ZNF385D: variants seen among roughly 807,000 people sequenced by gnomAD.
ZNF385D encodes zinc finger protein 385D, also known as zinc finger protein 659.
In ZNF385D, 15 loss-of-function variants were observed where a neutral mutation model predicts 35.8. The observed-to-expected ratio is 0.42, with a 90% CI of 0.28 to 0.64. The LOEUF is 0.64. ZNF385D is among the 30% of genes least tolerant of loss of function. The pLI, the probability that ZNF385D is intolerant of heterozygous loss-of-function variation, is 0.23. For synonymous variants in ZNF385D, 212 were observed against 186.8 expected (o/e 1.13, Z -1.10); for missense variants, 474 against 494.6 (o/e 0.96, Z 0.39).
intron 1 of ZNF385D, among the ~76,000 whole-genome samples, chr3:21,665,244 T>C (rs1288435000): frequency 6.6e-6 from 1 of 152,182 alleles, no homozygotes. Context: ...ATTATAACTA[T>C]CTGGTTATGT....
At chr3:22,300,356 C>T (rs1188548760) in intron 2 of ZNF385D, among the ~76,000 whole-genome samples, 1 of 149,222 alleles carries the variant, frequency 6.7e-6, no homozygotes, top group South Asian at 2.1e-4. Flanking sequence ...AACAGGGGTA[C>T]AATTTCCTGA....
chr3:22,359,452 T>C (rs779526636), intron 2 of ZNF385D, among the ~76,000 whole-genome samples: 1 of 151,918 alleles, frequency 6.6e-6, no homozygotes, highest in African/African-American at 2.4e-5. Flanking sequence ...GGCATATTGA[T>C]AGAACTTAGG....
chr3:21,529,545 T>C (rs1241481045), intron 3 of ZNF385D, among the ~76,000 whole-genome samples: 6 of 152,110 alleles, frequency 3.9e-5, no homozygotes. Flanking sequence ...GATGATCTTG[T>C]GATTATTTTT....
chr3:22,220,471 G>C (rs527612233), intron 2 of ZNF385D, among the ~76,000 whole-genome samples: 1 of 152,168 alleles, frequency 6.6e-6, no homozygotes, highest in African/African-American at 2.4e-5. Context: ...ATCACAGCTC[G>C]GTTTAAAAAC....
At chr3:21,751,683 G>A (rs887911072), upstream of ZNF385D, among the ~76,000 whole-genome samples, 2 of 152,158 alleles carry the variant, frequency 1.3e-5, no homozygotes, top group Non-Finnish European at 2.9e-5. Context: ...ACCACTGCTA[G>A]GGTAATAGAG....
At position 22,076,532 on chromosome 3, in the gene ZNF385D, A is replaced by G. The variant is rs539132738; in HGVS notation, c.325+92285T>C. ...TGGTCCTCCAGTGTTATGCTATAAC[A>G]CAGTCTCTATTACTATATAATCACA... On this transcript the variant is annotated intron_variant, in intron 3 of 5. Transcript: ENST00000494108. Among the ~76,000 whole-genome samples the G allele has an allele frequency of 4.5e-4, 68 of 152,064 alleles. 2 individuals carry two copies. In the South Asian group the frequency reaches 0.013, roughly 29 times the overall value.
intron 3 of ZNF385D, among the ~76,000 whole-genome samples, chr3:22,042,618 C>G (rs959986084): frequency 1.4e-4 from 21 of 152,108 alleles, no homozygotes; most frequent in Non-Finnish European, 2.5e-4. Flanking sequence ...TGATGTACTT[C>G]TCTGCTGGGA....
chr3:22,244,364 TAAAAAAAAAAAAA>T (rs34497539), intron 2 of ZNF385D, among the ~76,000 whole-genome samples: 2 of 62,554 alleles, frequency 3.2e-5, no homozygotes, highest in African/African-American at 1.0e-4. Context: ...CAACCGAATG[TAAAAAAAAAAAAA>T]AAAAAAAAAA....
At chr3:21,637,236 C>T (rs950479038) in intron 2 of ZNF385D, among the ~76,000 whole-genome samples, 2 of 151,990 alleles carry the variant, frequency 1.3e-5, no homozygotes, top group Admixed American at 6.6e-5. Context: ...AGTTTCAGAT[C>T]TTAGATTTAA....
chr3:21,829,434 T>A (rs970431303), intron 3 of ZNF385D, among the ~76,000 whole-genome samples: 2 of 152,094 alleles, frequency 1.3e-5, no homozygotes, highest in Non-Finnish European at 2.9e-5. Flanking sequence ...GCCATTGTAG[T>A]AGTGGCTTAG....
At chr3:21,636,370 ATATATGAT>A (rs2065436294) in intron 2 of ZNF385D, among the ~76,000 whole-genome samples, 2 of 102,954 alleles carry the variant, frequency 1.9e-5, no homozygotes, top group Admixed American at 1.2e-4. Flanking sequence ...ATGATTATAT[ATATATGAT>A]TATATATATA....
At chr3:22,038,170 G>T (rs554883103) in intron 3 of ZNF385D, among the ~76,000 whole-genome samples, 2 of 152,144 alleles carry the variant, frequency 1.3e-5, no homozygotes, top group South Asian at 2.1e-4. Context: ...GCTGAACTAC[G>T]AAGTGTAGGA....
At chr3:22,062,954 A>T (rs1699763637) in intron 3 of ZNF385D, among the ~76,000 whole-genome samples, 1 of 152,168 alleles carries the variant, frequency 6.6e-6, no homozygotes, top group Non-Finnish European at 1.5e-5. Context: ...CCACTACAAC[A>T]GAGGGAGAAA....
rs1001379612 is a variant in ZNF385D, at chr3:21,604,549, G to C, written c.166-39865C>G. 4.4e-4 allele frequency among the ~76,000 whole-genome samples: 67 copies of C among 152,296 alleles called. 1 individual carries two copies. The highest frequency in any genetic ancestry group is 1.0e-4 in the Non-Finnish European group (7 of 68,030). On this transcript the variant is annotated intron_variant, in intron 2 of 7. Transcript: ENST00000281523. ...AGAAAAGAGTAAGAGAAAAGTAAGA[G>C]TATTTTGTGTTCCAGAGGCCACAGA...
At chr3:21,427,555 G>T (rs935473063) in intron 5 of ZNF385D, among the ~76,000 whole-genome samples, 2 of 152,146 alleles carry the variant, frequency 1.3e-5, no homozygotes, top group African/African-American at 4.8e-5. Context: ...TAGGTGGCTT[G>T]TCTCAGCATT....
At chr3:22,362,435 A>G (rs182801542) in intron 2 of ZNF385D, among the ~76,000 whole-genome samples, 1 of 152,190 alleles carries the variant, frequency 6.6e-6, no homozygotes, top group East Asian at 1.9e-4. Context: ...ATTGAAAGCA[A>G]TTTTCTAAGG....
chr3:22,356,606 G>A (rs1161237406), intron 2 of ZNF385D, among the ~76,000 whole-genome samples: 3 of 151,896 alleles, frequency 2.0e-5, no homozygotes, highest in Admixed American at 6.6e-5. Flanking sequence ...ATAAAGATGT[G>A]GTTGCAAGTA....
chr3:21,487,437 A>G (rs1325913400), intron 4 of ZNF385D, among the ~76,000 whole-genome samples: 2 of 152,102 alleles, frequency 1.3e-5, no homozygotes, highest in African/African-American at 4.8e-5. Flanking sequence ...CACTGTCTCT[A>G]CTTCAAATTA....
At chr3:22,179,083 C>T (rs1180449320) in intron 2 of ZNF385D, among the ~76,000 whole-genome samples, 31 of 152,016 alleles carry the variant, frequency 2.0e-4, no homozygotes, top group Non-Finnish European at 1.6e-4. Context: ...TTTTTGGTTC[C>T]ATATGAACTT....
Sources: allele counts gnomAD v4.1 joint callset (sites outside exome capture counted in the v4.1 genomes callset), GRCh38; gene constraint gnomAD v4.1.1; transcripts MANE v1.5; gene names NCBI Gene and HGNC (gene_info 2026-07-23, HGNC 2026-07-21).